PCDHGB4: variants seen among roughly 807,000 people sequenced by gnomAD.
PCDHGB4 encodes protocadherin gamma subfamily B, 4.
Under a neutral mutation model 60.5 loss-of-function variants are expected in PCDHGB4, and 38 were observed. The ratio of observed to expected loss-of-function variants is 0.63; its 90% CI spans 0.48 to 0.82. PCDHGB4 has a LOEUF of 0.82. PCDHGB4 is among the 40% of genes least tolerant of loss of function. The probability of loss-of-function intolerance (pLI) is 0.00; values close to 1 mark genes in which losing one functional copy is unlikely to be tolerated. For synonymous variants in PCDHGB4, 456 were observed against 509.7 expected, an observed-to-expected ratio of 0.89 and a Z score of 1.42; for missense variants, 1,109 against 1,209.6, an observed-to-expected ratio of 0.92 and a Z score of 1.23.
rs553276457 is a variant in PCDHGB4 at position 141,480,179 on chromosome 5, G to A, written c.2398-14628G>A. Among the ~76,000 whole-genome samples, 10 of 152,058 alleles carry A rather than the reference G, an allele frequency of 6.6e-5. No individual in the cohort carries two copies. In the South Asian group the frequency reaches 8.3e-4, roughly 13 times the overall value. On this transcript the variant is annotated intron_variant, in intron 1 of 3. Transcript: ENST00000519479. ...AGCATTTTGGGAGGCTGAGGCAGGC[G>A]GATTGCTTGAGGCCAGCAGTTCAAG... is the stretch of plus-strand genomic sequence containing the variant.
At chr5:141,413,867 T>TTG in intron 1 of PCDHGB4, 1 of 1,613,428 alleles carries the variant, frequency 6.2e-7, no homozygotes, top group Non-Finnish European at 8.5e-7. Flanking sequence ...GGCACTGTCC[T>TTG]TGTCAGTGTG....
At chr5:141,494,195 C>T in intron 1 of PCDHGB4, among the ~76,000 whole-genome samples, 1 of 152,188 alleles carries the variant, frequency 6.6e-6, no homozygotes, top group Non-Finnish European at 1.5e-5. Flanking sequence ...GACTTGGATG[C>T]CCCGCAAAGG....
rs551129846 is a variant in PCDHGB4, at chr5:141,432,711, A to T, written c.2397+42430A>T. 5 of 1,613,944 alleles carry T rather than the reference A, an allele frequency of 3.1e-6. No individual in the cohort carries two copies. The Admixed American group carries it at 8.3e-5, about 27-fold the overall frequency. ...GTAGTGGCCGTCCAGGACCACGGCCAGCCCCCTCTCTCCGCCACTGTCACG... is the reference window on the plus strand; with the variant it reads ...GTAGTGGCCGTCCAGGACCACGGCCTGCCCCCTCTCTCCGCCACTGTCACG... On this transcript the variant is annotated intron_variant, in intron 1 of 3. Transcript: ENST00000519479. This position sits in a 1 kb window ranked among gnomAD's most constrained non-coding sequence, Gnocchi z 6.0.
intron 1 of PCDHGB4, chr5:141,423,945 A>T (rs931771609): frequency 4.1e-6 from 5 of 1,207,688 alleles, no homozygotes; most frequent in Non-Finnish European, 4.1e-6. Context: ...AGTAAGTTGA[A>T]TTTTAGTATT....
chr5:141,418,928 A>G, intron 1 of PCDHGB4: 1 of 1,613,978 alleles, frequency 6.2e-7, no homozygotes, highest in Non-Finnish European at 8.5e-7. Context: ...TGATCAGATT[A>G]TGGAGGATTC....
chr5:141,475,705 A>G (rs2099367264), intron 1 of PCDHGB4, among the ~76,000 whole-genome samples: 1 of 152,246 alleles, frequency 6.6e-6, no homozygotes. Flanking sequence ...CAGAACGGCT[A>G]GCCTCACAGC....
At chr5:141,399,991 G>T (rs1226741326) in intron 1 of PCDHGB4, 3 of 1,612,304 alleles carry the variant, frequency 1.9e-6, no homozygotes, top group Admixed American at 3.3e-5. Context: ...CACAGGAGAG[G>T]TGCGCACAGC....
At chr5:141,441,855 G>A in intron 1 of PCDHGB4, 3 of 351,872 alleles carry the variant, frequency 8.5e-6, no homozygotes, top group Admixed American at 4.0e-5. Flanking sequence ...ATATGGTGCT[G>A]CACGCCGCGG....
chr5:141,388,479 C>A lies in PCDHGB4; in HGVS notation c.595C>A (p.Pro199Thr), dbSNP rs1345463224. 6.2e-7 allele frequency: 1 copy of A among 1,613,770 alleles called. No individual in the cohort carries two copies. ...ATACCCTGAGATGGTATTGAAGACA[C>A]CTTTGGACAGAGAAAAGCAGAAATC... ...SKYPEMVLKT[P>T]LDREKQKSYH... is the part of the protein sequence containing the mutation. Residue 199 changes from proline (P) to threonine (T), a missense_variant, in exon 1 of 4, where the codon CCT becomes ACT. Physicochemically the swap from Pro to Thr is conservative, Grantham distance 38. Coordinates refer to ENST00000519479, the MANE Select transcript of PCDHGB4 (RefSeq NM_003736.4).
Position 141,405,169 on chromosome 5 carries a change from C to G in PCDHGB4, c.2397+14888C>G, listed in dbSNP as rs377298438. 12 of 1,614,004 alleles carry G rather than the reference C, an allele frequency of 7.4e-6. No homozygotes were observed. The African/African-American group carries it at 1.6e-4, about 22-fold the overall frequency. On this transcript the variant is annotated intron_variant, in intron 1 of 3. Coordinates refer to ENST00000519479, the MANE Select transcript of PCDHGB4 (RefSeq NM_003736.4). ...GGTTGGCTGGTGTGCCCACCTCACA[C>G]TTTGTGGGTGTAGATGGGGTTCGAG...
chr5:141,493,937 A>G lies in PCDHGB4; in HGVS notation c.2398-870A>G, dbSNP rs931274307. Among the ~76,000 whole-genome samples the G allele has an allele frequency of 6.6e-6, 1 of 152,212 alleles. No individual in the cohort carries two copies. The highest frequency in any genetic ancestry group is 1.5e-5 in the Non-Finnish European group (1 of 68,022). ...GGATAACACACCCCCTGGAAAGACCAGAAGGGACTCAGGAATGAAGTGGCT... is the reference window on the plus strand; with the variant it reads ...GGATAACACACCCCCTGGAAAGACCGGAAGGGACTCAGGAATGAAGTGGCT... On this transcript the variant is annotated intron_variant, in intron 1 of 3. Coordinates refer to ENST00000519479, the MANE Select transcript of PCDHGB4 (RefSeq NM_003736.4). This position sits in a 1 kb window ranked among gnomAD's most constrained non-coding sequence, Gnocchi z 4.3.
chr5:141,403,532 C>T (rs1313886103), intron 1 of PCDHGB4: 2 of 1,613,892 alleles, frequency 1.2e-6, no homozygotes, highest in African/African-American at 2.7e-5. Context: ...AAACCCAGAG[C>T]TGGTGCTGGA....
chr5:141,481,676 G>T (rs975849679), intron 1 of PCDHGB4, among the ~76,000 whole-genome samples: 1 of 152,028 alleles, frequency 6.6e-6, no homozygotes, highest in Non-Finnish European at 1.5e-5. Flanking sequence ...AAATCAGGCC[G>T]GGCCTGGTGG....
chr5:141,438,072 A>C (rs761630845), intron 1 of PCDHGB4, among the ~76,000 whole-genome samples: 1 of 152,158 alleles, frequency 6.6e-6, no homozygotes, highest in Non-Finnish European at 1.5e-5. Flanking sequence ...AACCATACTT[A>C]ATGGAAAATT....
At chr5:141,441,930 G>T in intron 1 of PCDHGB4, 1 of 347,232 alleles carries the variant, frequency 2.9e-6, no homozygotes, top group Non-Finnish European at 5.5e-6. Flanking sequence ...ATGCGTGGCT[G>T]TCCTACCACG....
At chr5:141,421,985 C>A (rs762388624) in intron 1 of PCDHGB4, 1 of 1,608,432 alleles carries the variant, frequency 6.2e-7, no homozygotes, top group East Asian at 2.2e-5. Flanking sequence ...GTGAGTGTTC[C>A]AGAAAACATC....
intron 2 of PCDHGB4, among the ~76,000 whole-genome samples, chr5:141,495,968 CTGTTACTCTTTCTT>C (rs1033811907): frequency 6.6e-6 from 1 of 152,126 alleles, no homozygotes; most frequent in African/African-American, 2.4e-5. Context: ...GCCTCTTTCT[CTGTTACTCTTTCTT>C]TATCTCTCTT....
rs1200950542 is a variant in PCDHGB4, at chr5:141,409,998, G to A, written c.2397+19717G>A. 4 of 1,613,236 alleles carry A rather than the reference G, an allele frequency of 2.5e-6. No homozygotes were observed. In the Admixed American group the frequency reaches 6.7e-5, roughly 27 times the overall value. On this transcript the variant is annotated intron_variant, in intron 1 of 3. Coordinates refer to ENST00000519479, the MANE Select transcript of PCDHGB4 (RefSeq NM_003736.4). ...GTGGTAGCGGTGGACGCCGACTCGGGACACAACGCCTGGCTGTCCTACCAC... is the reference window on the plus strand; with the variant it reads ...GTGGTAGCGGTGGACGCCGACTCGGAACACAACGCCTGGCTGTCCTACCAC...
At position 141,388,831 on chromosome 5, in the gene PCDHGB4, T is replaced by A. The variant is rs1300455758; in HGVS notation, c.947T>A (p.Val316Asp). 1 of 1,613,964 alleles carries A rather than the reference T, an allele frequency of 6.2e-7. No individual in the cohort carries two copies. Among genetic ancestry groups the A allele is most frequent in the Non-Finnish European group, 8.5e-7 (1 of 1,179,858 alleles). ...GAAGAAGTCAAAGAATATTCCATAG[T>A]TTTGGAAGCAAGGGACGGTGGAGGA... ...DFEEVKEYSI[V>D]LEARDGGGMI... is the part of the protein sequence containing the mutation. Residue 316 changes from valine to aspartate, a missense_variant, in exon 1 of 4, where the codon GTT becomes GAT. Around this residue, in one of 2 missense-constraint regions of PCDHGB4, gnomAD observed 1,068 missense variants for 1,089.9 expected, o/e 0.98. Coordinates refer to ENST00000519479, the MANE Select transcript of PCDHGB4 (RefSeq NM_003736.4).
Sources: gnomAD v4.1 joint callset for allele counts (sites outside exome capture counted in the v4.1 genomes callset) on GRCh38, gnomAD v4.1.1 for gene constraint, gnomAD v4.1.1 regional missense constraint, Gnocchi (gnomAD v3.1) non-coding constraint, MANE v1.5 for transcripts, NCBI Gene and HGNC (gene_info 2026-07-23, HGNC 2026-07-21) for gene names.